Variants in CACHD1 observed in about 807,000 individuals in gnomAD.
CACHD1 encodes the protein VWFA and cache domain-containing protein 1.
Under a neutral mutation model 138.7 loss-of-function variants are expected in CACHD1, and 71 were observed. The observed-to-expected ratio is 0.51, with a 90% CI of 0.42 to 0.62. The LOEUF is 0.62. Ranked by LOEUF, CACHD1 falls within the 20% of genes least tolerant of loss-of-function variation. The probability of loss-of-function intolerance (pLI) is 0.00; values close to 1 mark genes in which losing one functional copy is unlikely to be tolerated. For missense variants in CACHD1, 1,389 were observed against 1,625.3 expected, an observed-to-expected ratio of 0.85 and a Z score of 2.50; for synonymous variants, 578 against 591.5, an observed-to-expected ratio of 0.98 and a Z score of 0.33.
intron 1 of CACHD1, among the ~76,000 whole-genome samples, chr1:64,485,924 T>C (rs1646239185): frequency 6.6e-6 from 1 of 152,212 alleles, no homozygotes; most frequent in East Asian, 1.9e-4. Context: ...TGTTAAACTT[T>C]ATAAGAAACT....
intron 4 of CACHD1, among the ~76,000 whole-genome samples, chr1:64,604,107 A>G (rs1052402684): frequency 6.6e-6 from 1 of 152,236 alleles, no homozygotes; most frequent in Non-Finnish European, 1.5e-5. Flanking sequence ...GGGCCCCAGT[A>G]GGTCTCAGTT....
chr1:64,650,557 G>A (rs748285872), intron 9 of CACHD1, among the ~76,000 whole-genome samples: 10 of 152,116 alleles, frequency 6.6e-5, no homozygotes, highest in Admixed American at 1.3e-4. Flanking sequence ...ATAGAGACCC[G>A]TTGCATGACT....
At chr1:64,572,516 A>G (rs1222238679) in intron 2 of CACHD1, among the ~76,000 whole-genome samples, 1 of 152,060 alleles carries the variant, frequency 6.6e-6, no homozygotes, top group Non-Finnish European at 1.5e-5. Context: ...TTGGGTGTGT[A>G]TTGCAGTGAC....
intron 8 of CACHD1, among the ~76,000 whole-genome samples, chr1:64,643,622 G>A (rs1182790641): frequency 6.6e-6 from 1 of 152,146 alleles, no homozygotes; most frequent in African/African-American, 2.4e-5. Context: ...GGATCACGAG[G>A]TCAGGAGATC....
chr1:64,471,231 C>T (rs1226039456), intron 1 of CACHD1, among the ~76,000 whole-genome samples: 1 of 152,208 alleles, frequency 6.6e-6, no homozygotes, highest in Non-Finnish European at 1.5e-5. Flanking sequence ...GCCTTCATCT[C>T]GTCAAGGATT....
chr1:64,499,811 A>G (rs1046449426), intron 1 of CACHD1, among the ~76,000 whole-genome samples: 5 of 152,242 alleles, frequency 3.3e-5, no homozygotes, highest in African/African-American at 1.2e-4. Flanking sequence ...AAAGAAGCAC[A>G]TATTACTATG....
intron 4 of CACHD1, among the ~76,000 whole-genome samples, chr1:64,608,947 T>C (rs1647429908): frequency 6.6e-6 from 1 of 152,174 alleles, no homozygotes; most frequent in African/African-American, 2.4e-5. Flanking sequence ...CTTTCTTTAT[T>C]GCGTTTGATT....
chr1:64,616,597 A>G (rs965182503), intron 4 of CACHD1, among the ~76,000 whole-genome samples: 41 of 152,124 alleles, frequency 2.7e-4, no homozygotes, highest in Admixed American at 2.2e-3. Flanking sequence ...AAATAAGAGT[A>G]ATGCTAAGCC....
intron 1 of CACHD1, among the ~76,000 whole-genome samples, 199 bp from the exon 2 acceptor site, chr1:64,550,395 A>G (rs1646749486): frequency 6.6e-6 from 1 of 152,188 alleles, no homozygotes; most frequent in Non-Finnish European, 1.5e-5. Context: ...TTATTTTGCT[A>G]CAGAGGTGCC....
At position 64,617,596 on chromosome 1, in the gene CACHD1, G is replaced by A. The variant is rs980068460; in HGVS notation, c.518-11759G>A. Among the ~76,000 whole-genome samples, 5 of 152,152 alleles carry A rather than the reference G, an allele frequency of 3.3e-5. No individual in the cohort carries two copies. In the East Asian group the frequency reaches 9.6e-4, roughly 29 times the overall value. The stretch of plus-strand genomic sequence containing the variant: ...AGACTAAAATAATAACAAGGAGATA[G>A]GAAAGGATTATTGAATTGCCCCAAG... On this transcript the variant is annotated intron_variant, in intron 4 of 26. Coordinates refer to ENST00000651257, the MANE Select transcript of CACHD1 (RefSeq NM_020925.4).
rs778246703 is a variant in CACHD1 at position 64,634,199 on chromosome 1, G to C, written c.945G>C (p.Val315=). Reference sequence around the variant, plus strand: ...CAGACAGTCCTACCCAGCACGCAGTGGGATTCCAAAAGGCATTTCAGCTGA... The same window carrying C: ...CAGACAGTCCTACCCAGCACGCAGTCGGATTCCAAAAGGCATTTCAGCTGA... ...KSSDSPTQHA[V]GFQKAFQLIR... The change falls in exon 7 of 27, where the codon GTG becomes GTC. Residue 315 remains valine (V), a synonymous_variant. Coordinates refer to ENST00000651257, the MANE Select transcript of CACHD1 (RefSeq NM_020925.4). 5.0e-6 allele frequency: 8 copies of C among 1,613,668 alleles called. No individual in the cohort carries two copies. The Admixed American group carries it at 1.3e-4, about 27-fold the overall frequency.
intron 17 of CACHD1, among the ~76,000 whole-genome samples, chr1:64,672,396 C>T (rs77434224): frequency 0.041 from 6,190 of 152,276 alleles, 187 homozygotes; most frequent in Non-Finnish European, 0.067. Context: ...CCCCTCTTAT[C>T]TTTGGTCTCG....
intron 1 of CACHD1, among the ~76,000 whole-genome samples, chr1:64,481,738 T>C (rs1169501696): frequency 6.6e-6 from 1 of 152,188 alleles, no homozygotes; most frequent in African/African-American, 2.4e-5. Context: ...AAACAGAAAC[T>C]GAGTCTAGTA....
At chr1:64,634,340 A>G (rs907116138) in intron 7 of CACHD1, 80 bp downstream of exon 7, 11 of 857,364 alleles carry the variant, frequency 1.3e-5, no homozygotes, top group Admixed American at 6.1e-5. Context: ...TGATCACACA[A>G]TGATGTTTAG....
intron 1 of CACHD1, among the ~76,000 whole-genome samples, chr1:64,525,182 A>C (rs907811457): frequency 6.6e-6 from 1 of 152,130 alleles, no homozygotes; most frequent in Admixed American, 6.6e-5. Flanking sequence ...AATTCTTCTG[A>C]AGCTCCTAGA....
chr1:64,631,879 G>A (rs977826863), intron 5 of CACHD1, among the ~76,000 whole-genome samples: 1 of 152,076 alleles, frequency 6.6e-6, no homozygotes, highest in African/African-American at 2.4e-5. Context: ...GCCTTTTGGT[G>A]GCTGACCTAT....
At chr1:64,679,215 T>C (rs1194355047) in intron 23 of CACHD1, among the ~76,000 whole-genome samples, 1 of 152,230 alleles carries the variant, frequency 6.6e-6, no homozygotes, top group Non-Finnish European at 1.5e-5. Flanking sequence ...ACCTGGTGCC[T>C]TTTATTTCAG....
intron 1 of CACHD1, among the ~76,000 whole-genome samples, chr1:64,548,611 C>A (rs1424682526): frequency 6.6e-6 from 1 of 152,038 alleles, no homozygotes; most frequent in Non-Finnish European, 1.5e-5. Context: ...ATCCTAATGC[C>A]CCCTGAATGT....
chr1:64,523,458 C>G (rs1646513027), intron 1 of CACHD1, among the ~76,000 whole-genome samples: 1 of 152,146 alleles, frequency 6.6e-6, no homozygotes, highest in Non-Finnish European at 1.5e-5. Flanking sequence ...AAAAGTGAGT[C>G]TTTCTGAGTT....
Sources: gnomAD v4.1 joint callset for allele counts (sites outside exome capture counted in the v4.1 genomes callset) on GRCh38, gnomAD v4.1.1 for gene constraint, MANE v1.5 for transcripts, NCBI Gene and HGNC (gene_info 2026-07-23, HGNC 2026-07-21) for gene names.